EP300: variants seen among roughly 807,000 people sequenced by gnomAD.
EP300 encodes histone acetyltransferase p300.
In EP300, 31 loss-of-function variants were observed where a neutral mutation model predicts 264.0. The observed-to-expected ratio is 0.12, with a 90% confidence interval of 0.09 to 0.16. EP300 has a LOEUF of 0.16. Ranked by LOEUF, EP300 falls within the 10% of genes least tolerant of loss-of-function variation. EP300 has a pLI of 1.00. For missense variants in EP300, 2,766 were observed against 3,052.9 expected, an observed-to-expected ratio of 0.91 and a Z score of 2.21; for synonymous variants, 1,340 against 1,045.4, an observed-to-expected ratio of 1.28 and a Z score of -5.44.
intron 16 of EP300, 147 bp downstream of exon 16, chr22:41,152,497 T>C: frequency 2.4e-6 from 2 of 846,698 alleles, no homozygotes; most frequent in Non-Finnish European, 3.6e-6. Context: ...TCTTCATTGT[T>C]ACTAATAATT....
At chr22:41,136,040 C>T in intron 7 of EP300, 134 bp downstream of exon 7, 1 of 763,174 alleles carries the variant, frequency 1.3e-6, no homozygotes, top group South Asian at 1.5e-5. Flanking sequence ...TGAGTCCATT[C>T]TTTCTTTTTT....
chr22:41,139,283 A>C (rs1005232120), intron 8 of EP300, among the ~76,000 whole-genome samples: 6 of 152,192 alleles, frequency 3.9e-5, no homozygotes, highest in African/African-American at 1.4e-4. Flanking sequence ...GCACTAAGTA[A>C]CGGAATTTGA....
chr22:41,095,712 A>G (rs2058698567), intron 1 of EP300, among the ~76,000 whole-genome samples: 1 of 152,144 alleles, frequency 6.6e-6, no homozygotes, highest in Admixed American at 6.6e-5. Context: ...TCTTGATATT[A>G]TGGTTTTTGT....
rs1251119022 is a variant in EP300 at position 41,127,422 on chromosome 22, T to C, written c.907-65T>C. The C allele has an allele frequency of 3.8e-6, 6 of 1,596,028 alleles. No homozygotes were observed. In the African/African-American group the frequency reaches 8.0e-5, roughly 21 times the overall value. ...AAGGTTTTCATTGAAAATATCCACA[T>C]CTCTATTTATTAAGAAATAGCACAT... is the stretch of plus-strand genomic sequence containing the variant. On this transcript the variant is annotated intron_variant, in intron 3 of 30. Transcript: ENST00000263253.
chr22:41,176,182 T>G (rs2059199364), intron 29 of EP300, 65 bp from the exon 30 acceptor site: 5 of 1,595,156 alleles, frequency 3.1e-6, no homozygotes, highest in Non-Finnish European at 3.4e-6. Flanking sequence ...ATCACGCCAC[T>G]GCATTCCAGC....
At chr22:41,093,257 CCCAA>C (rs1384583015) in intron 1 of EP300, among the ~76,000 whole-genome samples, 159 bp downstream of exon 1, 6 of 152,138 alleles carry the variant, frequency 3.9e-5, no homozygotes, top group Non-Finnish European at 7.3e-5. Flanking sequence ...CGTCCAGTAG[CCCAA>C]CCATTTTCTT....
rs1054890788 is a variant in EP300 at position 41,179,900 on chromosome 22, A to C, written c.*944A>C. On this transcript the variant is annotated 3_prime_UTR_variant, in exon 31 of 31. Transcript: ENST00000263253. The stretch of plus-strand genomic sequence containing the variant: ...CCCACTCACACACACACACACACAC[A>C]CACACACACACACACACACACACTT... 1.4e-4 allele frequency: 28 copies of C among 200,318 alleles called. No individual in the cohort carries two copies. Among genetic ancestry groups the C allele is most frequent in the South Asian group, 6.3e-4 (3 of 4,762 alleles). 12.4% of individuals were successfully genotyped at this position (200,318 alleles called of 1,614,324 possible).
intron 23 of EP300, among the ~76,000 whole-genome samples, chr22:41,167,110 G>A (rs953020508): frequency 6.6e-6 from 1 of 152,196 alleles, no homozygotes; most frequent in African/African-American, 2.4e-5. Context: ...TGATTTTTCT[G>A]TCTTAGCCTC....
Position 41,137,702 on chromosome 22 carries a change from A to G in EP300, c.1672A>G (p.Thr558Ala), listed in dbSNP as rs1057519397. 6.8e-6 allele frequency: 11 copies of G among 1,614,086 alleles called. No individual in the cohort carries two copies. Among genetic ancestry groups the G allele is most frequent in the African/African-American group, 6.7e-5 (5 of 74,922 alleles). Reference sequence around the variant, plus strand: ...TGTGCCCTCCCTGGGTCCTATGCCAACAGCAGCTCAACCATCCACTACTGG... The same window carrying G: ...TGTGCCCTCCCTGGGTCCTATGCCAGCAGCAGCTCAACCATCCACTACTGG... ...ASVPSLGPMP[T>A]AAQPSTTGIR... is the part of the protein sequence containing the mutation. The change falls in exon 8 of 31, where the codon ACA (threonine) becomes GCA (alanine). Residue 558 changes from threonine (T) to alanine (A), a missense_variant. Thr to Ala is a moderately conservative substitution (Grantham distance 58). Coordinates refer to ENST00000263253, the MANE Select transcript of EP300 (RefSeq NM_001429.4).
At chr22:41,119,186 T>A (rs796475342) in intron 2 of EP300, among the ~76,000 whole-genome samples, 1,714 of 131,926 alleles carry the variant, frequency 0.013, 53 homozygotes, top group African/African-American at 0.043. Context: ...TTTTTTTTTT[T>A]TTTTTTTTTT....
At chr22:41,157,853 A>G (rs2059086085) in intron 18 of EP300, among the ~76,000 whole-genome samples, 2 of 152,182 alleles carry the variant, frequency 1.3e-5, no homozygotes, top group Admixed American at 6.5e-5. Context: ...GTGCCACAGT[A>G]GTAATATCTC....
chr22:41,110,767 A>G (rs1214737046), intron 1 of EP300, among the ~76,000 whole-genome samples: 2 of 151,706 alleles, frequency 1.3e-5, no homozygotes, highest in Non-Finnish European at 2.9e-5. Flanking sequence ...CTTTAGAATC[A>G]TCTTGTCCAG....
At chr22:41,093,201 T>G (rs1281058832) in intron 1 of EP300, 103 bp downstream of exon 1, 10 of 1,137,958 alleles carry the variant, frequency 8.8e-6, no homozygotes, top group Non-Finnish European at 1.3e-5. Flanking sequence ...TCTAGTTCCC[T>G]GCCCCTTAAT....
At chr22:41,127,861 G>A in intron 4 of EP300, 113 bp downstream of exon 4, 2 of 1,352,498 alleles carry the variant, frequency 1.5e-6, no homozygotes, top group South Asian at 1.3e-5. Context: ...CCTTAATTGT[G>A]GTGATGGTGT....
chr22:41,153,248 G>A (rs2059057409), intron 16 of EP300, among the ~76,000 whole-genome samples: 1 of 152,132 alleles, frequency 6.6e-6, no homozygotes, highest in African/African-American at 2.4e-5. Context: ...GAACTTTTGT[G>A]GCTCTAGTGA....
At position 41,178,201 on chromosome 22, in the gene EP300, C is replaced by G; in HGVS notation, c.6490C>G (p.Gln2164Glu). ...LQPPMGGMSP[Q>E]AQQMNMNHNT... ...GCCACCCATGGGAGGGATGAGCCCCCAGGCTCAGCAGATGAACATGAACCA... is the reference window on the plus strand; with the variant it reads ...GCCACCCATGGGAGGGATGAGCCCCGAGGCTCAGCAGATGAACATGAACCA... Residue 2164 changes from glutamine to glutamate, a missense_variant, in exon 31 of 31, where the codon CAG becomes GAG. Transcript: ENST00000263253. 6.2e-7 allele frequency: 1 copy of G among 1,614,176 alleles called. No homozygotes were observed. The highest frequency in any genetic ancestry group is 8.5e-7 in the Non-Finnish European group (1 of 1,180,036).
rs776125911 is a variant in EP300 at position 41,157,119 on chromosome 22, C to T, written c.3262-50C>T. ...TGATAATGGATGATACTCCATCTCCCGTAAAAATAGTGAGACTTGAGTAAT... is the reference window on the plus strand; with the variant it reads ...TGATAATGGATGATACTCCATCTCCTGTAAAAATAGTGAGACTTGAGTAAT... On this transcript the variant is annotated intron_variant, in intron 17 of 30. Coordinates refer to ENST00000263253, the MANE Select transcript of EP300 (RefSeq NM_001429.4). 87 of 1,611,058 alleles carry T rather than the reference C, an allele frequency of 5.4e-5. 1 individual carries two copies. The highest frequency in any genetic ancestry group is 3.8e-4 in the South Asian group (34 of 90,590).
At chr22:41,103,903 C>T (rs2058744659) in intron 1 of EP300, among the ~76,000 whole-genome samples, 1 of 152,116 alleles carries the variant, frequency 6.6e-6, no homozygotes, top group South Asian at 2.1e-4. Context: ...ATGAGTTTGT[C>T]ATTTGCCTTG....
At position 41,179,735 on chromosome 22, in the gene EP300, ATT is replaced by A. The variant is rs886057577; in HGVS notation, c.*785_*786del. On this transcript the variant is annotated 3_prime_UTR_variant, in exon 31 of 31. Transcript: ENST00000263253. ...ATTGTGGTTTCTGTTTCTTGAAAGA[ATT>A]TTTTTCGTTATTTTTACATCTAACA... 6.9e-5 allele frequency: 16 copies of A among 230,592 alleles called. No homozygotes were observed. Among genetic ancestry groups the A allele is most frequent in the Admixed American group, 5.7e-4 (10 of 17,676 alleles). 14.3% of individuals were successfully genotyped at this position (230,592 alleles called of 1,614,324 possible).
Sources: allele counts gnomAD v4.1 joint callset (sites outside exome capture counted in the v4.1 genomes callset), GRCh38; gene constraint gnomAD v4.1.1; transcripts MANE v1.5; gene names NCBI Gene and HGNC (gene_info 2026-07-23, HGNC 2026-07-21).